Variants in FOXP1 observed in about 807,000 individuals in gnomAD.
FOXP1 encodes forkhead box P1.
In FOXP1, 15 loss-of-function variants were observed where a neutral mutation model predicts 98.2. That is an observed-to-expected ratio of 0.15 (90% CI 0.10 to 0.24). The LOEUF (loss-of-function observed/expected upper bound fraction) is 0.24, where lower values mean the gene tolerates loss of function less well. FOXP1 is among the 10% of genes least tolerant of loss of function. The pLI is 1.00. For synonymous variants in FOXP1, 371 were observed against 314.5 expected (o/e 1.18, Z -1.90); for missense variants, 633 against 848.5 (o/e 0.75, Z 3.15).
At chr3:71,475,082 G>A (rs1049597883) in intron 3 of FOXP1, among the ~76,000 whole-genome samples, 2 of 152,032 alleles carry the variant, frequency 1.3e-5, no homozygotes, top group African/African-American at 4.8e-5. Flanking sequence ...GCTCCCACCT[G>A]CAGGCAGCCC....
intron 2 of FOXP1, among the ~76,000 whole-genome samples, chr3:71,527,713 AG>A (rs1004907019): frequency 1.3e-5 from 2 of 152,266 alleles, no homozygotes; most frequent in East Asian, 3.9e-4. Context: ...TCTGTACAAT[AG>A]GGGGGAAAAA....
At chr3:71,156,616 T>C (rs1261995685) in intron 6 of FOXP1, among the ~76,000 whole-genome samples, 3 of 152,126 alleles carry the variant, frequency 2.0e-5, no homozygotes, top group African/African-American at 7.2e-5. Context: ...CTGCCAGAAT[T>C]TGGGCTTGGA....
At chr3:71,033,232 G>C (rs74836672) in intron 11 of FOXP1, among the ~76,000 whole-genome samples, 2 of 152,086 alleles carry the variant, frequency 1.3e-5, no homozygotes, top group East Asian at 3.9e-4. Flanking sequence ...CGGCAGCGGC[G>C]CATCAAAAAA....
At chr3:71,094,229 T>C (rs1417735223) in intron 7 of FOXP1, among the ~76,000 whole-genome samples, 1 of 152,128 alleles carries the variant, frequency 6.6e-6, no homozygotes, top group African/African-American at 2.4e-5. Flanking sequence ...AAAGCTATAG[T>C]TGTGGACACT....
At chr3:71,130,871 A>T (rs2059531281) in intron 6 of FOXP1, 1 of 1,410,932 alleles carries the variant, frequency 7.1e-7, no homozygotes, top group African/African-American at 1.4e-5. Context: ...AATGCCACAC[A>T]TATCTAAACC....
At chr3:71,104,394 G>A (rs537393323) in intron 7 of FOXP1, among the ~76,000 whole-genome samples, 3 of 152,242 alleles carry the variant, frequency 2.0e-5, no homozygotes, top group East Asian at 3.9e-4. Context: ...AGAAGAAGCC[G>A]CCCTTCTGCT....
At chr3:71,344,367 T>C (rs989394860) in intron 4 of FOXP1, among the ~76,000 whole-genome samples, 1 of 152,238 alleles carries the variant, frequency 6.6e-6, no homozygotes, top group African/African-American at 2.4e-5. Context: ...TTTCAAAACT[T>C]GCCACCCACA....
chr3:71,172,046 G>A (rs1165547621), intron 6 of FOXP1, among the ~76,000 whole-genome samples: 1 of 152,126 alleles, frequency 6.6e-6, no homozygotes, highest in African/African-American at 2.4e-5. Flanking sequence ...ATATTCCTTT[G>A]ATAAGTAACA....
intron 7 of FOXP1, among the ~76,000 whole-genome samples, chr3:71,095,682 C>A (rs912806256): frequency 6.6e-6 from 1 of 152,098 alleles, no homozygotes; most frequent in African/African-American, 2.4e-5. Context: ...CCAGGTGTGA[C>A]ACTGAGACAT....
intron 2 of FOXP1, chr3:71,543,628 C>T (rs1386054236): frequency 6.6e-6 from 1 of 152,286 alleles, no homozygotes; most frequent in Non-Finnish European, 1.5e-5. Flanking sequence ...TGACTCTCAG[C>T]TAGCCGTGGA....
intron 13 of FOXP1, among the ~76,000 whole-genome samples, chr3:70,988,765 T>C (rs989722127): frequency 6.6e-6 from 1 of 152,252 alleles, no homozygotes; most frequent in African/African-American, 2.4e-5. Context: ...ATACTACTGA[T>C]TGGAAGCTAC....
At chr3:71,324,978 G>T (rs1048329202) in intron 4 of FOXP1, among the ~76,000 whole-genome samples, 5 of 151,980 alleles carry the variant, frequency 3.3e-5, no homozygotes, top group Non-Finnish European at 5.9e-5. Context: ...TGCCATTTGG[G>T]AATGTGGACC....
rs571842894 is a variant in FOXP1 at position 71,551,410 on chromosome 3, C to A, written c.-298+30139G>T. Among the ~76,000 whole-genome samples, 4 of 152,286 alleles carry A rather than the reference C, an allele frequency of 2.6e-5. No individual in the cohort carries two copies. The South Asian group carries it at 8.3e-4, about 32-fold the overall frequency. On this transcript the variant is annotated intron_variant, in intron 2 of 20. Coordinates refer to ENST00000649528, the MANE Select transcript of FOXP1 (RefSeq NM_001349338.3). ...CGCAAGGGTAAGGCATAGAAAACTA[C>A]TTTTCTGTTTGGTGAATGGCATTTC...
chr3:71,383,105 G>A (rs540283061), intron 3 of FOXP1, among the ~76,000 whole-genome samples: 2 of 152,316 alleles, frequency 1.3e-5, no homozygotes, highest in East Asian at 1.9e-4. Context: ...ACTGCCTGAT[G>A]TTCCTCATCT....
chr3:71,544,834 GA>G (rs2045227398), intron 2 of FOXP1, among the ~76,000 whole-genome samples: 1 of 99,010 alleles, frequency 1.0e-5, no homozygotes, highest in Non-Finnish European at 2.1e-5. Flanking sequence ...GGGTAGTCAA[GA>G]AAGATAATAG....
chr3:71,399,843 A>G (rs1270246789), intron 3 of FOXP1, among the ~76,000 whole-genome samples: 1 of 152,232 alleles, frequency 6.6e-6, no homozygotes, highest in Admixed American at 6.5e-5. Flanking sequence ...TCTTTCCATG[A>G]AACTCTACAA....
At chr3:71,501,350 A>G (rs945742729) in intron 2 of FOXP1, among the ~76,000 whole-genome samples, 8 of 137,686 alleles carry the variant, frequency 5.8e-5, no homozygotes, top group African/African-American at 8.3e-5. Context: ...GCTGGAGTGC[A>G]GTGGTGCCAT....
chr3:71,467,989 G>A (rs2088947944), intron 3 of FOXP1, among the ~76,000 whole-genome samples: 1 of 152,140 alleles, frequency 6.6e-6, no homozygotes, highest in Admixed American at 6.5e-5. Flanking sequence ...TAGCTGAATG[G>A]ACTTGGAAAA....
intron 11 of FOXP1, among the ~76,000 whole-genome samples, chr3:71,020,563 T>C (rs1037259992): frequency 6.6e-6 from 1 of 152,318 alleles, no homozygotes; most frequent in Non-Finnish European, 1.5e-5. Flanking sequence ...CAGTCTTTAG[T>C]GATCCTTACA....
Sources: gnomAD v4.1 joint callset for allele counts (sites outside exome capture counted in the v4.1 genomes callset) on GRCh38, gnomAD v4.1.1 for gene constraint, MANE v1.5 for transcripts, NCBI Gene and HGNC (gene_info 2026-07-23, HGNC 2026-07-21) for gene names.